MCU: variants seen among roughly 807,000 people sequenced by gnomAD.
MCU encodes mitochondrial calcium uniporter, also known as calcium uniporter protein, mitochondrial.
Under a neutral mutation model 45.2 loss-of-function variants are expected in MCU, and 12 were observed. The ratio of observed to expected loss-of-function variants is 0.27; its 90% CI spans 0.17 to 0.43. MCU has a LOEUF of 0.43. MCU is among the 20% of genes least tolerant of loss of function. MCU has a pLI of 1.00. For synonymous variants in MCU, 160 were observed against 165.1 expected, an observed-to-expected ratio of 0.97 and a Z score of 0.24; for missense variants, 324 against 436.7, an observed-to-expected ratio of 0.74 and a Z score of 2.30.
At position 72,860,471 on chromosome 10, in the gene MCU, A is replaced by T; in HGVS notation, c.440A>T (p.Asp147Val). The change falls in exon 4 of 8, where the codon GAT becomes GTT. Residue 147 changes from aspartate to valine, a missense_variant. Asp to Val is a radical substitution (Grantham distance 152). This residue lies in a region of MCU where 135 missense variants were observed against 207.3 expected (regional missense o/e 0.65). Transcript: ENST00000373053. ...ACAGGAATAGACCTCCTCCTCCTTG[A>T]TGACTTTAAGCTGGTCATTAATGAC... The part of the protein sequence containing the change: ...ASTGIDLLLL[D>V]DFKLVINDLT... The T allele has an allele frequency of 6.2e-7, 1 of 1,614,078 alleles. No homozygotes were observed. Among genetic ancestry groups the T allele is most frequent in the African/African-American group, 1.3e-5 (1 of 75,044 alleles).
intron 1 of MCU, among the ~76,000 whole-genome samples, chr10:72,783,401 C>T (rs967699821): frequency 1.3e-5 from 2 of 152,200 alleles, no homozygotes; most frequent in East Asian, 1.9e-4. Flanking sequence ...GTTTTGGACT[C>T]AGGTGTGGAA....
At chr10:72,744,192 G>A (rs1408001571) in intron 1 of MCU, among the ~76,000 whole-genome samples, 2 of 146,798 alleles carry the variant, frequency 1.4e-5, no homozygotes, top group African/African-American at 2.5e-5. Flanking sequence ...TAACTATATA[G>A]TTGATCTTTT....
At chr10:72,706,311 A>G (rs1038757166) in intron 1 of MCU, among the ~76,000 whole-genome samples, 1 of 151,760 alleles carries the variant, frequency 6.6e-6, no homozygotes, top group African/African-American at 2.4e-5. Context: ...AGAAATATAG[A>G]TATATGAGAT....
chr10:72,797,407 G>A (rs972778610), intron 1 of MCU, among the ~76,000 whole-genome samples: 2 of 150,966 alleles, frequency 1.3e-5, no homozygotes, highest in Non-Finnish European at 2.9e-5. Flanking sequence ...TGTAGTTTTA[G>A]TAGAGGCAGG....
chr10:72,696,185 ATTT>A (rs1554818423), intron 1 of MCU, among the ~76,000 whole-genome samples: 1 of 109,986 alleles, frequency 9.1e-6, no homozygotes, highest in South Asian at 2.9e-4. Flanking sequence ...AAAAAAAAAA[ATTT>A]TTTTTTTTTT....
intron 2 of MCU, among the ~76,000 whole-genome samples, chr10:72,839,693 C>G (rs1388614211): frequency 1.3e-5 from 2 of 151,790 alleles, no homozygotes; most frequent in Non-Finnish European, 2.9e-5. Context: ...GTGGCTCACA[C>G]CTGTAATCCC....
chr10:72,805,093 C>CTT (rs1359786196), intron 1 of MCU, among the ~76,000 whole-genome samples: 2 of 143,248 alleles, frequency 1.4e-5, no homozygotes, highest in African/African-American at 2.9e-5. Flanking sequence ...TTCTTTCTTT[C>CTT]TTTCTTTCTC....
intron 1 of MCU, among the ~76,000 whole-genome samples, chr10:72,831,179 G>A (rs1004895878): frequency 2.0e-5 from 3 of 152,110 alleles, no homozygotes; most frequent in South Asian, 2.1e-4. Context: ...AATGAAAGTC[G>A]GAAAGATGAG....
intron 1 of MCU, among the ~76,000 whole-genome samples, chr10:72,774,814 A>G (rs1169844689): frequency 6.6e-6 from 1 of 152,192 alleles, no homozygotes; most frequent in Non-Finnish European, 1.5e-5. Context: ...GGCACCATAT[A>G]AGATAAATAG....
At chr10:72,743,368 G>A (rs975321090) in intron 1 of MCU, among the ~76,000 whole-genome samples, 7 of 135,592 alleles carry the variant, frequency 5.2e-5, no homozygotes, top group South Asian at 4.7e-4. Context: ...AGCCGATATT[G>A]TGCCACTACA....
intron 4 of MCU, among the ~76,000 whole-genome samples, chr10:72,865,822 G>C (rs969256985): frequency 4.8e-4 from 72 of 151,314 alleles, no homozygotes; most frequent in African/African-American, 1.7e-3. Flanking sequence ...TGTTGCCCAG[G>C]CTGGAGTGCA....
rs1426899182 is a variant in MCU, at chr10:72,710,381, GA to G, written c.150+18084del. On this transcript the variant is annotated intron_variant, in intron 1 of 7. Transcript: ENST00000373053. ...CTAAAATGGGTGTTCTTTGTAAGAT[GA>G]AAAGTAGAGACAATCTGAGACCCTG... Among the ~76,000 whole-genome samples the G allele has an allele frequency of 9.2e-5, 14 of 152,178 alleles. 1 individual carries two copies. The highest frequency in any genetic ancestry group is 6.6e-4 in the Admixed American group (10 of 15,256).
intron 5 of MCU, among the ~76,000 whole-genome samples, chr10:72,870,369 C>G (rs961328107): frequency 3.9e-5 from 6 of 152,180 alleles, no homozygotes; most frequent in African/African-American, 1.4e-4. Context: ...GGCTCCACCT[C>G]CCGGGTTCAC....
chr10:72,829,362 T>C (rs1200726748), intron 1 of MCU, among the ~76,000 whole-genome samples: 1 of 151,828 alleles, frequency 6.6e-6, no homozygotes, highest in East Asian at 1.9e-4. Context: ...GATTTTCCCT[T>C]TCTCTGATAA....
intron 2 of MCU, among the ~76,000 whole-genome samples, chr10:72,847,226 C>T (rs1325999407): frequency 6.6e-6 from 1 of 152,156 alleles, no homozygotes; most frequent in Non-Finnish European, 1.5e-5. Context: ...CTGCCCGACT[C>T]GGCCTCCCAA....
At chr10:72,749,953 T>C (rs1843470814) in intron 1 of MCU, among the ~76,000 whole-genome samples, 1 of 151,744 alleles carries the variant, frequency 6.6e-6, no homozygotes, top group African/African-American at 2.4e-5. Context: ...TTTTTTTTTT[T>C]TTTTTCAGTA....
chr10:72,731,749 A>G (rs1358605345), intron 1 of MCU, among the ~76,000 whole-genome samples: 2 of 152,172 alleles, frequency 1.3e-5, no homozygotes, highest in African/African-American at 4.8e-5. Flanking sequence ...CACTTTACGT[A>G]ATGTTTTTGG....
intron 1 of MCU, among the ~76,000 whole-genome samples, chr10:72,819,139 T>TA (rs1844671289): frequency 6.6e-6 from 1 of 152,204 alleles, no homozygotes; most frequent in Admixed American, 6.5e-5. Context: ...CCAACATCTC[T>TA]AAAAATCAAT....
At chr10:72,738,840 G>T (rs1339923277) in intron 1 of MCU, among the ~76,000 whole-genome samples, 1 of 152,144 alleles carries the variant, frequency 6.6e-6, no homozygotes, top group Non-Finnish European at 1.5e-5. Flanking sequence ...CTAGATTCCT[G>T]AGATGTGCCT....
Sources: allele counts gnomAD v4.1 joint callset (sites outside exome capture counted in the v4.1 genomes callset), GRCh38; gene constraint gnomAD v4.1.1; regional missense constraint gnomAD v4.1.1; transcripts MANE v1.5; gene names NCBI Gene and HGNC (gene_info 2026-07-23, HGNC 2026-07-21).